Variants in SULF1 observed in about 807,000 individuals in gnomAD.
The protein encoded by SULF1 is extracellular sulfatase Sulf-1.
In SULF1, 46 loss-of-function variants were observed where a neutral mutation model predicts 110.5. The observed-to-expected ratio is 0.42, with a 90% CI of 0.33 to 0.53. The LOEUF (loss-of-function observed/expected upper bound fraction) is 0.53, where lower values mean the gene tolerates loss of function less well. Among genes scored for constraint, SULF1 ranks in the 20% least tolerant of loss-of-function variants. The probability of loss-of-function intolerance (pLI) is 0.12; values close to 1 mark genes in which losing one functional copy is unlikely to be tolerated. For synonymous variants in SULF1, 371 were observed against 387.1 expected (o/e 0.96, Z 0.49); for missense variants, 941 against 1,094.2 (o/e 0.86, Z 1.98).
At position 69,576,199 on chromosome 8, in the gene SULF1, C is replaced by A; in HGVS notation, c.402C>A (p.Gly134=). The A allele has an allele frequency of 6.2e-7, 1 of 1,613,954 alleles. No homozygotes were observed. The highest frequency in any genetic ancestry group is 8.5e-7 in the Non-Finnish European group (1 of 1,179,930). ...RTFAVYLNNT[G]YRTAFFGKYL... is the part of the protein sequence containing the mutation. ...TTGCTGTATATCTTAACAACACTGG[C>A]TACAGAACAGGTAAGGGATGACGTT... Residue 134 remains glycine, a synonymous_variant, in exon 6 of 23, where the codon GGC becomes GGA. Coordinates refer to ENST00000402687, the MANE Select transcript of SULF1 (RefSeq NM_001128205.2).
intron 6 of SULF1, among the ~76,000 whole-genome samples, chr8:69,580,967 A>G (rs1465308458): frequency 6.6e-6 from 1 of 152,210 alleles, no homozygotes; most frequent in African/African-American, 2.4e-5. Context: ...CACTTAAAGT[A>G]AGACAAACTA....
At chr8:69,613,736 G>A (rs1267273373) in intron 13 of SULF1, among the ~76,000 whole-genome samples, 1 of 152,130 alleles carries the variant, frequency 6.6e-6, no homozygotes, top group Non-Finnish European at 1.5e-5. Context: ...TTTACCACCA[G>A]AAAACATTAG....
chr8:69,592,490 G>C (rs994801384), intron 8 of SULF1, among the ~76,000 whole-genome samples: 1 of 152,210 alleles, frequency 6.6e-6, no homozygotes, highest in African/African-American at 2.4e-5. Context: ...ACACAGTGCA[G>C]AGGGTGGCCT....
intron 5 of SULF1, among the ~76,000 whole-genome samples, chr8:69,569,775 A>G (rs1388931821): frequency 6.6e-6 from 1 of 152,138 alleles, no homozygotes; most frequent in Admixed American, 6.5e-5. Flanking sequence ...GGAAATGATG[A>G]GTCTTAGTGA....
At chr8:69,501,333 T>C (rs1055114263) in intron 2 of SULF1, among the ~76,000 whole-genome samples, 1 of 152,226 alleles carries the variant, frequency 6.6e-6, no homozygotes, top group African/African-American at 2.4e-5. Context: ...GGGAATTTCC[T>C]CATATTCAAA....
chr8:69,597,940 A>C (rs1586508542), intron 8 of SULF1, among the ~76,000 whole-genome samples: 1 of 151,818 alleles, frequency 6.6e-6, no homozygotes, highest in African/African-American at 2.4e-5. Flanking sequence ...TGGGCAAAAA[A>C]CCCTTTTTGA....
At position 69,603,257 on chromosome 8, in the gene SULF1, C is replaced by T. The variant is rs1342031985; in HGVS notation, c.1127C>T (p.Thr376Ile). 1.2e-6 allele frequency: 2 copies of T among 1,614,176 alleles called. No homozygotes were observed. The highest frequency in any genetic ancestry group is 3.3e-5 in the Admixed American group (2 of 60,028). The change falls in exon 11 of 23, where the codon ACA becomes ATA. Residue 376 changes from threonine (T) to isoleucine (I), a missense_variant. This residue lies in a region of SULF1 where 822 missense variants were observed against 934.3 expected (regional missense o/e 0.88). Coordinates refer to ENST00000402687, the MANE Select transcript of SULF1 (RefSeq NM_001128205.2). ...PTILDIAGLD[T>I]PPDVDGKSVL... ...ATCCTGGATATTGCTGGGCTCGACA[C>T]ACCTCCTGATGTGGACGGCAAGTCT...
intron 15 of SULF1, 97 bp from the exon 16 acceptor site, chr8:69,627,113 T>A (rs1810137161): frequency 1.1e-6 from 1 of 906,114 alleles, no homozygotes; most frequent in African/African-American, 1.6e-5. Context: ...GTATCAACAT[T>A]AAGGATTTTG....
chr8:69,613,901 G>A (rs1808866848), intron 13 of SULF1, among the ~76,000 whole-genome samples: 1 of 151,934 alleles, frequency 6.6e-6, no homozygotes, highest in Non-Finnish European at 1.5e-5. Flanking sequence ...TTTATCGGAT[G>A]TGGAATCCAG....
intron 3 of SULF1, among the ~76,000 whole-genome samples, chr8:69,526,516 C>A (rs971093504): frequency 6.6e-6 from 1 of 151,092 alleles, no homozygotes; most frequent in African/African-American, 2.4e-5. Flanking sequence ...AATCCCAGCA[C>A]TTTGGGAGCC....
At chr8:69,479,299 T>C (rs1434515950) in intron 1 of SULF1, among the ~76,000 whole-genome samples, 1 of 152,222 alleles carries the variant, frequency 6.6e-6, no homozygotes, top group Non-Finnish European at 1.5e-5. Flanking sequence ...AAATAACAGC[T>C]AGACCAGATT....
chr8:69,588,422 T>G (rs770592788), intron 7 of SULF1, among the ~76,000 whole-genome samples: 3 of 152,214 alleles, frequency 2.0e-5, no homozygotes, highest in Admixed American at 6.5e-5. Context: ...TGATTACTGA[T>G]TATTGTAATT....
In SULF1 at chr8:69,659,383, AAT is replaced by A. The variant is rs1246838607; in HGVS notation, c.*850_*851del. On this transcript the variant is annotated 3_prime_UTR_variant, in exon 23 of 23. Transcript: ENST00000402687. ...TTTTTAACTTTTTTATTTGTAAACT[AAT>A]AAAGGTAATCACAGCCACCAACATT... is the stretch of plus-strand genomic sequence containing the variant. 4 of 357,668 alleles carry A rather than the reference AAT, an allele frequency of 1.1e-5. No homozygotes were observed. Among genetic ancestry groups the A allele is most frequent in the African/African-American group, 8.5e-5 (4 of 46,894 alleles). The allele number at this position is 357,668 out of a possible 1,614,324, so 22.2% of individuals were successfully genotyped here. A position where few individuals can be genotyped will look rare whatever the true frequency, so the allele number is the denominator to read the frequency against.
intron 1 of SULF1, among the ~76,000 whole-genome samples, chr8:69,468,976 C>A (rs1808973273): frequency 1.3e-5 from 2 of 152,058 alleles, no homozygotes; most frequent in South Asian, 2.1e-4. Flanking sequence ...CTGAAAAAAA[C>A]AATTGTACAC....
At chr8:69,655,690 G>A (rs921171072) in intron 22 of SULF1, among the ~76,000 whole-genome samples, 5 of 152,168 alleles carry the variant, frequency 3.3e-5, no homozygotes, top group African/African-American at 7.2e-5. Flanking sequence ...TTAGAGGCAT[G>A]AGGCACCATG....
intron 7 of SULF1, among the ~76,000 whole-genome samples, chr8:69,587,207 G>A (rs1443478265): frequency 6.6e-6 from 1 of 152,076 alleles, no homozygotes; most frequent in Admixed American, 6.6e-5. Context: ...GAATGAAGGG[G>A]AAAATATCTT....
intron 3 of SULF1, among the ~76,000 whole-genome samples, chr8:69,524,855 A>C (rs1433740671): frequency 1.3e-5 from 2 of 152,202 alleles, no homozygotes; most frequent in Non-Finnish European, 2.9e-5. Flanking sequence ...GCCAAATGAT[A>C]CTGCAGAAAA....
intron 6 of SULF1, among the ~76,000 whole-genome samples, chr8:69,583,484 G>A (rs1005178348): frequency 6.6e-6 from 1 of 151,848 alleles, no homozygotes; most frequent in African/African-American, 2.4e-5. Context: ...TGAGACAGGA[G>A]AATCGCTTGA....
chr8:69,614,191 G>T (rs768105094), intron 13 of SULF1, among the ~76,000 whole-genome samples: 1 of 152,162 alleles, frequency 6.6e-6, no homozygotes, highest in Non-Finnish European at 1.5e-5. Context: ...CTCTGCAAAG[G>T]CTAATGTGGC....
Sources: gnomAD v4.1 joint callset for allele counts (sites outside exome capture counted in the v4.1 genomes callset) on GRCh38, gnomAD v4.1.1 for gene constraint, gnomAD v4.1.1 regional missense constraint, MANE v1.5 for transcripts, NCBI Gene and HGNC (gene_info 2026-07-23, HGNC 2026-07-21) for gene names.